The following DHDDS variants were observed in gnomAD, a reference collection of about 807,000 sequenced individuals.
DHDDS encodes dehydrodolichyl diphosphate synthase complex subunit DHDDS.
In DHDDS, 16 loss-of-function variants were observed where a neutral mutation model predicts 46.2. That is an observed-to-expected ratio of 0.35 (90% confidence interval 0.23 to 0.53). The LOEUF (loss-of-function observed/expected upper bound fraction) is 0.53, where lower values mean the gene tolerates loss of function less well. DHDDS is among the 20% of genes least tolerant of loss of function. The pLI is 0.94. For synonymous variants in DHDDS, 151 were observed against 163.1 expected, an observed-to-expected ratio of 0.93 and a Z score of 0.56; for missense variants, 340 against 423.7, an observed-to-expected ratio of 0.80 and a Z score of 1.73.
At chr1:26,455,245 A>T in intron 6 of DHDDS, 1 of 634,244 alleles carries the variant, frequency 1.6e-6, no homozygotes. Context: ...TTTTAAAGAT[A>T]AGAGAATGAG....
At chr1:26,433,770 C>T (rs2075126649) in intron 2 of DHDDS, among the ~76,000 whole-genome samples, 1 of 151,766 alleles carries the variant, frequency 6.6e-6, no homozygotes, top group Admixed American at 6.6e-5. Flanking sequence ...GAGTCTCGCT[C>T]TGTCGCCCAG....
chr1:26,458,035 T>C, intron 7 of DHDDS, 130 bp downstream of exon 7: 3 of 765,844 alleles, frequency 3.9e-6, no homozygotes, highest in Non-Finnish European at 6.8e-6. Context: ...AAAGCTAAAA[T>C]CTGGAGAAGC....
chr1:26,440,416 G>A (rs1159293917), intron 3 of DHDDS, among the ~76,000 whole-genome samples: 1 of 152,174 alleles, frequency 6.6e-6, no homozygotes, highest in Non-Finnish European at 1.5e-5. Context: ...GTCTGGCTTT[G>A]TGACCTGCAG....
intron 6 of DHDDS, chr1:26,455,066 A>G (rs1288324841): frequency 6.5e-6 from 6 of 918,528 alleles, no homozygotes; most frequent in South Asian, 2.6e-5. Flanking sequence ...GGCTTTTCGT[A>G]TATGCATACC....
chr1:26,432,774 C>T, intron 1 of DHDDS, 117 bp from the exon 2 acceptor site: 2 of 685,744 alleles, frequency 2.9e-6, no homozygotes. Context: ...AGGCTTAGAC[C>T]AGTGTCTTTG....
At chr1:26,448,624 G>A (rs2075292262) in intron 6 of DHDDS, 1 of 152,126 alleles carries the variant, frequency 6.6e-6, no homozygotes, top group Non-Finnish European at 1.5e-5. Context: ...TAAACTAACA[G>A]CAATAGTAAA....
At chr1:26,461,472 G>A (rs1004010457) in intron 8 of DHDDS, among the ~76,000 whole-genome samples, 6 of 144,762 alleles carry the variant, frequency 4.1e-5, no homozygotes, top group African/African-American at 1.5e-4. Flanking sequence ...CGAAACCTCC[G>A]CCTCCCGGGT....
rs565600867 is a variant in DHDDS, at chr1:26,460,135, C to T, written c.756C>T (p.Ser252=). The T allele has an allele frequency of 1.1e-5, 18 of 1,613,216 alleles. No homozygotes were observed. In the South Asian group the frequency reaches 1.5e-4, roughly 14 times the overall value. ...TCCTGCAGTTCCAGATGAACCATAG[C>T]GTGCTTCAGGTAAGAAAGAGTTCAG... ...EAILQFQMNH[S]VLQKARDMYA... The change falls in exon 8 of 9, where the codon AGC becomes AGT. Residue 252 remains serine (S), a synonymous_variant. Coordinates refer to ENST00000236342, the MANE Select transcript of DHDDS (RefSeq NM_205861.3).
At chr1:26,466,386 G>A (rs1443070972) in intron 8 of DHDDS, 1 of 152,208 alleles carries the variant, frequency 6.6e-6, no homozygotes, top group Non-Finnish European at 1.5e-5. Context: ...TCCAGATACA[G>A]GCCACCAGCT....
chr1:26,470,819 T>G lies in DHDDS; in HGVS notation c.*1688T>G, dbSNP rs2075547999. 1 of 152,716 alleles carries G rather than the reference T, an allele frequency of 6.5e-6. No individual in the cohort carries two copies. 9.5% of individuals were successfully genotyped at this position (152,716 alleles called of 1,614,324 possible). A position where few individuals can be genotyped will look rare whatever the true frequency, so the allele number is the denominator to read the frequency against. ...GCCATAATTAGGGAGGCATGAATTA[T>G]GCGGCTATAATGCAGAGCCCTACAA... On this transcript the variant is annotated 3_prime_UTR_variant, in exon 9 of 9. Transcript: ENST00000236342.
At chr1:26,446,545 G>T in intron 5 of DHDDS, 113 bp downstream of exon 5, 1 of 941,714 alleles carries the variant, frequency 1.1e-6, no homozygotes, top group South Asian at 1.3e-5. Context: ...GGCAATGAGA[G>T]AGTAGGTTGA....
At chr1:26,458,737 CAAAAAAA>C (rs11381495) in intron 7 of DHDDS, among the ~76,000 whole-genome samples, 8 of 71,686 alleles carry the variant, frequency 1.1e-4, no homozygotes, top group South Asian at 4.5e-4. Flanking sequence ...GACTCTGTCG[CAAAAAAA>C]AAAAAAAAAA....
chr1:26,468,107 C>CA (rs1245888138), intron 8 of DHDDS, among the ~76,000 whole-genome samples: 9 of 152,332 alleles, frequency 5.9e-5, no homozygotes, highest in Admixed American at 5.9e-4. Context: ...TGAAGGCTCT[C>CA]AAACTTCCAA....
Position 26,470,318 on chromosome 1 carries a change from T to TTC in DHDDS, c.*1188_*1189insCT, listed in dbSNP as rs949513713. 2 of 148,570 alleles carry TTC rather than the reference T, an allele frequency of 1.3e-5. No homozygotes were observed. The highest frequency in any genetic ancestry group is 4.9e-5 in the African/African-American group (2 of 40,508). 9.2% of individuals were successfully genotyped at this position (148,570 alleles called of 1,614,324 possible). A position where few individuals can be genotyped will look rare whatever the true frequency, so the allele number is the denominator to read the frequency against. ...TTTAAAGTCCATTTTCCTTCTTCTT[T>TTC]TTTTTTTTTTTTTTGGAGACAGCAT... On this transcript the variant is annotated 3_prime_UTR_variant, in exon 9 of 9. Coordinates refer to ENST00000236342, the MANE Select transcript of DHDDS (RefSeq NM_205861.3).
rs369429285 is a variant in DHDDS, at chr1:26,447,594, G to T, written c.476G>T (p.Arg159Leu). ...AATGTCTGTTTTGCATACACATCCC[G>T]TCATGAGATCAGCAATGCTGTGAGA... ...FLNVCFAYTS[R>L]HEISNAVREM... The change falls in exon 6 of 9, where the codon CGT (arginine) becomes CTT (leucine). Residue 159 changes from arginine to leucine, a missense_variant. Physicochemically the swap from Arg to Leu is moderately radical, Grantham distance 102. Around this residue, in one of 2 missense-constraint regions of DHDDS, gnomAD observed 268 missense variants for 300.3 expected, o/e 0.89. Coordinates refer to ENST00000236342, the MANE Select transcript of DHDDS (RefSeq NM_205861.3). 1 of 1,614,134 alleles carries T rather than the reference G, an allele frequency of 6.2e-7. No homozygotes were observed. The highest frequency in any genetic ancestry group is 8.5e-7 in the Non-Finnish European group (1 of 1,180,030).
At chr1:26,442,590 TG>T in intron 3 of DHDDS, 140 bp from the exon 4 acceptor site, 1 of 954,638 alleles carries the variant, frequency 1.0e-6, no homozygotes, top group South Asian at 1.3e-5. Context: ...TAAACACTGA[TG>T]TTATCCTAGC....
chr1:26,440,735 T>C (rs2075209882), intron 3 of DHDDS, among the ~76,000 whole-genome samples: 1 of 152,124 alleles, frequency 6.6e-6, no homozygotes, highest in East Asian at 1.9e-4. Context: ...GTAGATTTGT[T>C]TGCTTGTATG....
At chr1:26,456,165 G>A (rs1391818224) in intron 6 of DHDDS, among the ~76,000 whole-genome samples, 1 of 152,164 alleles carries the variant, frequency 6.6e-6, no homozygotes, top group Non-Finnish European at 1.5e-5. Flanking sequence ...CCGGTGTAAT[G>A]TGGAATTTTT....
rs2075526900 is a variant in DHDDS at position 26,469,178 on chromosome 1, C to T, written c.*47C>T. ...TTTGCCCTGCCCTCTGCCTCCAGGGCTCCACTCCCCTTCCTTTTCTTGGTG... is the reference window on the plus strand; with the variant it reads ...TTTGCCCTGCCCTCTGCCTCCAGGGTTCCACTCCCCTTCCTTTTCTTGGTG... On this transcript the variant is annotated 3_prime_UTR_variant, in exon 9 of 9. Coordinates refer to ENST00000236342, the MANE Select transcript of DHDDS (RefSeq NM_205861.3). The T allele has an allele frequency of 1.2e-6, 2 of 1,610,126 alleles. No individual in the cohort carries two copies. The highest frequency in any genetic ancestry group is 1.7e-6 in the Non-Finnish European group (2 of 1,180,024).
Sources: allele counts gnomAD v4.1 joint callset (sites outside exome capture counted in the v4.1 genomes callset), GRCh38; gene constraint gnomAD v4.1.1; regional missense constraint gnomAD v4.1.1; transcripts MANE v1.5; gene names NCBI Gene and HGNC (gene_info 2026-07-23, HGNC 2026-07-21).